The following FRMD4A variants were observed in gnomAD, a reference collection of about 807,000 sequenced individuals.
FRMD4A encodes the protein FERM domain-containing protein 4A.
A neutral mutation model predicts 129.1 loss-of-function variants in FRMD4A; 29 were observed. The ratio of observed to expected loss-of-function variants is 0.22; its 90% confidence interval spans 0.17 to 0.31. The LOEUF (loss-of-function observed/expected upper bound fraction) is 0.31. Among genes scored for constraint, FRMD4A ranks in the 10% least tolerant of loss-of-function variants. The pLI, the probability that FRMD4A is intolerant of heterozygous loss-of-function variation, is 1.00. For missense variants in FRMD4A, 1,272 were observed against 1,375.8 expected (o/e 0.92, Z 1.19); for synonymous variants, 634 against 571.6 (o/e 1.11, Z -1.56).
chr10:13,725,232 A>C (rs1261699628), intron 12 of FRMD4A, among the ~76,000 whole-genome samples: 1 of 152,198 alleles, frequency 6.6e-6, no homozygotes, highest in African/African-American at 2.4e-5. Flanking sequence ...AATTGTGTAG[A>C]ATTGTGAGGT....
intron 2 of FRMD4A, among the ~76,000 whole-genome samples, chr10:14,054,438 A>G (rs538904617): frequency 6.6e-6 from 1 of 152,228 alleles, no homozygotes; most frequent in African/African-American, 2.4e-5. Context: ...ATTTCCCAAA[A>G]CACAGCTGAG....
At chr10:14,033,520 C>T (rs1833351632) in intron 2 of FRMD4A, among the ~76,000 whole-genome samples, 1 of 151,996 alleles carries the variant, frequency 6.6e-6, no homozygotes, top group South Asian at 2.1e-4. Context: ...CATGGTGGCT[C>T]ATGCCTGTAA....
chr10:13,757,083 CTGTT>C (rs1392382730), intron 8 of FRMD4A, among the ~76,000 whole-genome samples: 4 of 152,210 alleles, frequency 2.6e-5, no homozygotes, highest in African/African-American at 9.6e-5. Flanking sequence ...TAGATAATGT[CTGTT>C]AGTTAGTTGG....
chr10:13,827,863 G>A (rs1266793762), intron 3 of FRMD4A, among the ~76,000 whole-genome samples: 1 of 152,170 alleles, frequency 6.6e-6, no homozygotes, highest in African/African-American at 2.4e-5. Context: ...TGCCTGCTTC[G>A]GGGAGCCCTG....
chr10:14,106,910 C>T (rs1213938562), intron 2 of FRMD4A, among the ~76,000 whole-genome samples: 3 of 152,118 alleles, frequency 2.0e-5, no homozygotes, highest in Non-Finnish European at 2.9e-5. Flanking sequence ...GTATGTTTAT[C>T]ACAGCACTAT....
intron 9 of FRMD4A, among the ~76,000 whole-genome samples, chr10:13,745,326 G>A (rs768491087): frequency 6.1e-4 from 93 of 152,158 alleles, no homozygotes; most frequent in Non-Finnish European, 1.1e-3. Flanking sequence ...GTAGGGTATC[G>A]TCAGGAGGGT....
At chr10:14,019,990 CG>C (rs1382317011) in intron 2 of FRMD4A, among the ~76,000 whole-genome samples, 1 of 152,076 alleles carries the variant, frequency 6.6e-6, no homozygotes, top group Non-Finnish European at 1.5e-5. Context: ...AGGTATGCCT[CG>C]GAGAGAAGCA....
At chr10:14,317,987 T>G (rs1161610182) in intron 2 of FRMD4A, among the ~76,000 whole-genome samples, 1 of 152,174 alleles carries the variant, frequency 6.6e-6, no homozygotes. Context: ...CCGTTGGTGC[T>G]TCATGCCCAT....
At chr10:13,827,894 C>A (rs756578456) in intron 3 of FRMD4A, among the ~76,000 whole-genome samples, 45 of 152,198 alleles carry the variant, frequency 3.0e-4, no homozygotes, top group Non-Finnish European at 5.1e-4. Flanking sequence ...CTGGGCTCAA[C>A]TGCTGTCTGG....
At chr10:13,654,959 G>A (rs1003117241) in intron 22 of FRMD4A, 6 of 168,780 alleles carry the variant, frequency 3.6e-5, no homozygotes, top group African/African-American at 1.2e-4. Context: ...TTATGAAATT[G>A]TTTCTCCCCA....
intron 6 of FRMD4A, among the ~76,000 whole-genome samples, chr10:13,769,154 C>T (rs558763245): frequency 4.6e-5 from 7 of 150,806 alleles, no homozygotes; most frequent in African/African-American, 1.5e-4. Flanking sequence ...CCACGCCTGG[C>T]TAATTTTTTG....
At chr10:14,092,761 A>C (rs1836731269) in intron 2 of FRMD4A, among the ~76,000 whole-genome samples, 1 of 152,212 alleles carries the variant, frequency 6.6e-6, no homozygotes, top group South Asian at 2.1e-4. Flanking sequence ...GGAGTCTGTC[A>C]TCAAATAGGT....
At chr10:14,101,628 C>T (rs1033850424) in intron 2 of FRMD4A, among the ~76,000 whole-genome samples, 4 of 152,134 alleles carry the variant, frequency 2.6e-5, no homozygotes, top group African/African-American at 7.2e-5. Context: ...ATTGATGACA[C>T]GTTCTACTTA....
intron 2 of FRMD4A, among the ~76,000 whole-genome samples, chr10:14,162,347 T>C (rs1396595993): frequency 6.6e-6 from 1 of 152,244 alleles, no homozygotes; most frequent in Non-Finnish European, 1.5e-5. Context: ...ATTTCGACAA[T>C]GTAGTTGCTC....
intron 3 of FRMD4A, among the ~76,000 whole-genome samples, chr10:13,850,517 G>A (rs1276856480): frequency 6.6e-6 from 1 of 152,214 alleles, no homozygotes; most frequent in Non-Finnish European, 1.5e-5. Context: ...ATGAGGATGT[G>A]TCACATGTTT....
chr10:13,765,184 G>A (rs1228144315), intron 6 of FRMD4A, among the ~76,000 whole-genome samples: 15 of 143,268 alleles, frequency 1.0e-4, no homozygotes, highest in African/African-American at 3.6e-4. Flanking sequence ...GTGCGATCTC[G>A]GCTCACTGCA....
At chr10:13,701,199 G>A (rs2086798008) in intron 14 of FRMD4A, 141 bp downstream of exon 14, 1 of 705,712 alleles carries the variant, frequency 1.4e-6, no homozygotes, top group African/African-American at 1.8e-5. Flanking sequence ...CCCATCTGTA[G>A]CCCTAAGAGG....
At chr10:14,033,782 AAGAG>A (rs111309037) in intron 2 of FRMD4A, among the ~76,000 whole-genome samples, 7 of 145,442 alleles carry the variant, frequency 4.8e-5, no homozygotes, top group South Asian at 2.3e-4. Context: ...AAAACTCAGA[AAGAG>A]AGAGAGAGAG....
At chr10:13,827,870 C>A (rs747845872) in intron 3 of FRMD4A, among the ~76,000 whole-genome samples, 11 of 152,176 alleles carry the variant, frequency 7.2e-5, no homozygotes, top group Non-Finnish European at 1.5e-4. Context: ...TTCGGGGAGC[C>A]CTGCTCTTTA....
Sources: allele counts gnomAD v4.1 joint callset (sites outside exome capture counted in the v4.1 genomes callset), GRCh38; gene constraint gnomAD v4.1.1; transcripts MANE v1.5; gene names NCBI Gene and HGNC (gene_info 2026-07-23, HGNC 2026-07-21).